Variants in TUBGCP4 observed in about 807,000 individuals in gnomAD.
The protein encoded by TUBGCP4 is tubulin gamma complex component 4.
A neutral mutation model predicts 91.6 loss-of-function variants in TUBGCP4; 54 were observed. The ratio of observed to expected loss-of-function variants is 0.59; its 90% CI spans 0.47 to 0.74. TUBGCP4 has a LOEUF of 0.74. TUBGCP4 is among the 30% of genes least tolerant of loss of function. The probability of loss-of-function intolerance (pLI) is 0.00; values close to 1 mark genes in which losing one functional copy is unlikely to be tolerated. For missense variants in TUBGCP4, 593 were observed against 800.9 expected (o/e 0.74, Z 3.13); for synonymous variants, 297 against 302.8 (o/e 0.98, Z 0.20).
Position 43,383,270 on chromosome 15 carries a change from A to G in TUBGCP4, c.522-33A>G, listed in dbSNP as rs74009136. On this transcript the variant is annotated intron_variant, in intron 6 of 17. Transcript: ENST00000564079. ...TTATCCTGTAACAGTTTAAAGCATGACTTCTGAGCCTCTTACTTTCTACTC... is the reference window on the plus strand; with the variant it reads ...TTATCCTGTAACAGTTTAAAGCATGGCTTCTGAGCCTCTTACTTTCTACTC... 1.7e-3 allele frequency: 2,604 copies of G among 1,576,632 alleles called. 40 individuals are homozygous for G. The African/African-American group carries it at 0.031, about 19-fold the overall frequency.
intron 16 of TUBGCP4, chr15:43,404,068 T>C: frequency 1.9e-6 from 1 of 523,222 alleles, no homozygotes. Context: ...CCTCACATCC[T>C]CCCCCCTCCT....
chr15:43,407,025 G>A lies in TUBGCP4; in HGVS notation c.*1811G>A. On this transcript the variant is annotated 3_prime_UTR_variant, in exon 18 of 18. Transcript: ENST00000564079. ...CTTAAACTGAGTTTCTGCAAGCATA[G>A]CATTTTAGACACCCTGGAATAACCT... 4.1e-6 allele frequency: 1 copy of A among 241,678 alleles called. No individual in the cohort carries two copies. Among genetic ancestry groups the A allele is most frequent in the Non-Finnish European group, 8.2e-6 (1 of 122,296 alleles). The allele number at this position is 241,678 out of a possible 1,614,324, so 15.0% of individuals were successfully genotyped here. A position where few individuals can be genotyped will look rare whatever the true frequency, so the allele number is the denominator to read the frequency against.
chr15:43,379,416 C>T (rs1331945647), intron 5 of TUBGCP4, among the ~76,000 whole-genome samples: 3 of 152,022 alleles, frequency 2.0e-5, no homozygotes, highest in Non-Finnish European at 4.4e-5. Flanking sequence ...CCGAGGCGGG[C>T]GGACCACGAG....
rs1376329867 is a variant in TUBGCP4, at chr15:43,407,352, C to T, written c.*2138C>T. 2 of 1,599,484 alleles carry T rather than the reference C, an allele frequency of 1.3e-6. No individual in the cohort carries two copies. The highest frequency in any genetic ancestry group is 1.7e-5 in the Admixed American group (1 of 59,776). On this transcript the variant is annotated 3_prime_UTR_variant, in exon 18 of 18. Coordinates refer to ENST00000564079, the MANE Select transcript of TUBGCP4 (RefSeq NM_014444.5). The stretch of plus-strand genomic sequence containing the variant: ...GGTTAAAACACAATCTCCACGATAG[C>T]AGGGAATAAAACCAGTAAGACCAAG...
chr15:43,371,550 C>T (rs2044122373), intron 1 of TUBGCP4, 118 bp downstream of exon 1: 3 of 1,015,268 alleles, frequency 3.0e-6, no homozygotes, highest in Non-Finnish European at 4.5e-6. Flanking sequence ...GGGGGCGTAT[C>T]CCTGGACAGG....
chr15:43,382,965 C>T (rs982030116), intron 6 of TUBGCP4, among the ~76,000 whole-genome samples: 9 of 151,940 alleles, frequency 5.9e-5, no homozygotes, highest in Non-Finnish European at 8.8e-5. Flanking sequence ...TCCATTAAGT[C>T]GATTTTTAAA....
At position 43,409,390 on chromosome 15, in the gene TUBGCP4, A is replaced by G. The variant is rs1477557269; in HGVS notation, c.*4176A>G. ...ATCAGCAACCCTAATAGGGGTTTCT[A>G]CTACTAAACATAAACATCAATCTTC... On this transcript the variant is annotated 3_prime_UTR_variant, in exon 18 of 18. Coordinates refer to ENST00000564079, the MANE Select transcript of TUBGCP4 (RefSeq NM_014444.5). 19 of 551,604 alleles carry G rather than the reference A, an allele frequency of 3.4e-5. No individual in the cohort carries two copies. Among genetic ancestry groups the G allele is most frequent in the South Asian group, 5.4e-5 (2 of 37,194 alleles). The allele number at this position is 551,604 out of a possible 1,614,324, so 34.2% of individuals were successfully genotyped here. A position where few individuals can be genotyped will look rare whatever the true frequency, so the allele number is the denominator to read the frequency against.
rs367888089 is a variant in TUBGCP4, at chr15:43,386,344, CGTAT to C, written c.1014+15_1014+18del. 0.013 allele frequency: 3,208 copies of C among 245,276 alleles called. 590 individuals are homozygous for C. The highest frequency in any genetic ancestry group is 0.1 in the African/African-American group (777 of 7,802). The allele number at this position is 245,276 out of a possible 1,614,324, so 15.2% of individuals were successfully genotyped here. A position where few individuals can be genotyped will look rare whatever the true frequency, so the allele number is the denominator to read the frequency against. ...ACTGTGGCTGAGGTTTGTGTTTCAT[CGTAT>C]ATATATATATATATATATATATATA... On this transcript the variant is annotated intron_variant, in intron 9 of 17. Coordinates refer to ENST00000564079, the MANE Select transcript of TUBGCP4 (RefSeq NM_014444.5).
intron 6 of TUBGCP4, 138 bp downstream of exon 6, chr15:43,380,301 C>G: frequency 1.3e-6 from 1 of 754,014 alleles, no homozygotes; most frequent in Non-Finnish European, 2.2e-6. Context: ...GCTCCATGAG[C>G]AGAGGAGCCC....
intron 15 of TUBGCP4, 88 bp downstream of exon 15, chr15:43,401,938 A>C: frequency 6.7e-7 from 1 of 1,494,190 alleles, no homozygotes; most frequent in South Asian, 1.3e-5. Flanking sequence ...CGAAACCATC[A>C]TTAAGCAATT....
At chr15:43,385,620 G>A in intron 7 of TUBGCP4, 171 bp from the exon 8 acceptor site, 1 of 649,766 alleles carries the variant, frequency 1.5e-6, no homozygotes, top group African/African-American at 1.8e-5. Flanking sequence ...TCTGCTGCCT[G>A]AAGATGAAAT....
chr15:43,399,136 C>A (rs754777289), intron 13 of TUBGCP4: 76 of 1,271,924 alleles, frequency 6.0e-5, no homozygotes, highest in Non-Finnish European at 7.7e-5. Flanking sequence ...AAAAACCAAA[C>A]AGAATGGGAC....
At chr15:43,404,634 A>G in intron 17 of TUBGCP4, 82 bp downstream of exon 17, 1 of 1,467,856 alleles carries the variant, frequency 6.8e-7, no homozygotes, top group Non-Finnish European at 9.3e-7. Flanking sequence ...CTGGAAGAAG[A>G]CTTTAGTCCA....
At chr15:43,404,272 A>G (rs2044779972) in intron 16 of TUBGCP4, 141 bp from the exon 17 acceptor site, 1 of 933,612 alleles carries the variant, frequency 1.1e-6, no homozygotes, top group Non-Finnish European at 1.6e-6. Context: ...GAACTAATAG[A>G]AATAGGAATG....
Position 43,408,380 on chromosome 15 carries a change from C to A in TUBGCP4, c.*3166C>A. ...CCTGTAGTCCCAGCAGCTTGGGAGGCTGAGGTAGGGGGATCACTTCAGCCT... is the reference window on the plus strand; with the variant it reads ...CCTGTAGTCCCAGCAGCTTGGGAGGATGAGGTAGGGGGATCACTTCAGCCT... On this transcript the variant is annotated 3_prime_UTR_variant, in exon 18 of 18. Transcript: ENST00000564079. The A allele has an allele frequency of 3.2e-6, 1 of 314,946 alleles. No homozygotes were observed. The highest frequency in any genetic ancestry group is 6.0e-6 in the Non-Finnish European group (1 of 166,282). 19.5% of individuals were successfully genotyped at this position (314,946 alleles called of 1,614,324 possible).
At chr15:43,371,715 G>A (rs757052079) in intron 1 of TUBGCP4, among the ~76,000 whole-genome samples, 27 of 152,178 alleles carry the variant, frequency 1.8e-4, no homozygotes, top group Non-Finnish European at 3.4e-4. Flanking sequence ...GCTGGGGAAT[G>A]ATATAGAAGT....
chr15:43,398,855 C>A (rs920096760), intron 13 of TUBGCP4, among the ~76,000 whole-genome samples: 1 of 152,212 alleles, frequency 6.6e-6, no homozygotes, highest in South Asian at 2.1e-4. Flanking sequence ...GTCCCTCCCC[C>A]ACTTTTTTGC....
chr15:43,395,810 G>A, intron 11 of TUBGCP4, 122 bp downstream of exon 11: 3 of 763,894 alleles, frequency 3.9e-6, no homozygotes, highest in Non-Finnish European at 6.7e-6. Context: ...CAGAGCAGTG[G>A]CTTCCAGAGA....
intron 9 of TUBGCP4, among the ~76,000 whole-genome samples, chr15:43,387,094 C>T (rs2044387523): frequency 6.6e-6 from 1 of 152,156 alleles, no homozygotes; most frequent in East Asian, 1.9e-4. Context: ...ACTTTCATTT[C>T]TATACACAAT....
Sources: allele counts gnomAD v4.1 joint callset (sites outside exome capture counted in the v4.1 genomes callset), GRCh38; gene constraint gnomAD v4.1.1; transcripts MANE v1.5; gene names NCBI Gene and HGNC (gene_info 2026-07-23, HGNC 2026-07-21).